Variants in ATP8A1 observed in about 807,000 individuals in gnomAD.
ATP8A1 encodes the protein ATPase phospholipid transporting 8A1, also known as phospholipid-transporting ATPase IA.
A neutral mutation model predicts 177.7 loss-of-function variants in ATP8A1; 90 were observed. The ratio of observed to expected loss-of-function variants is 0.51; its 90% CI spans 0.43 to 0.60. The LOEUF is 0.60. Ranked by LOEUF, ATP8A1 falls within the 20% of genes least tolerant of loss-of-function variation. The pLI is 0.00. For synonymous variants in ATP8A1, 493 were observed against 485.9 expected (o/e 1.01, Z -0.19); for missense variants, 1,072 against 1,392.8 (o/e 0.77, Z 3.67).
In ATP8A1 at chr4:42,656,835, C is replaced by A. The variant is rs542135277; in HGVS notation, c.39G>T (p.Ser13=). The A allele has an allele frequency of 8.2e-6, 13 of 1,582,114 alleles. No individual in the cohort carries two copies. In the Admixed American group the frequency reaches 2.3e-4, roughly 28 times the overall value. Residue 13 remains serine (S), a synonymous_variant, in exon 1 of 37, where the codon TCG becomes TCT. Transcript: ENST00000381668. ...TMRRTVSEIR[S]RAEGYEKTDD... ...TCGGCGGCCCCTTACCTTCGGCGCG[C>A]GAGCGGATCTCCGACACGGTCCTCC...
At chr4:42,636,404 G>C (rs1007480792) in intron 1 of ATP8A1, among the ~76,000 whole-genome samples, 33 of 95,818 alleles carry the variant, frequency 3.4e-4, no homozygotes, top group African/African-American at 9.1e-4. Flanking sequence ...AGACGGGTAG[G>C]GGGAGAGAGA....
At chr4:42,573,809 C>T (rs575884472) in intron 14 of ATP8A1, among the ~76,000 whole-genome samples, 4 of 152,124 alleles carry the variant, frequency 2.6e-5, no homozygotes, top group Admixed American at 1.3e-4. Context: ...AGCCAGAAAA[C>T]CTAGAAGCAA....
At chr4:42,584,099 T>C (rs2109351007) in intron 9 of ATP8A1, among the ~76,000 whole-genome samples, 1 of 152,320 alleles carries the variant, frequency 6.6e-6, no homozygotes, top group South Asian at 2.1e-4. Context: ...AAATGTCCTT[T>C]AGAATTCAAA....
chr4:42,574,183 G>C (rs1732181708), intron 14 of ATP8A1, among the ~76,000 whole-genome samples: 1 of 151,912 alleles, frequency 6.6e-6, no homozygotes, highest in Non-Finnish European at 1.5e-5. Context: ...ATTTTAGATT[G>C]CTCTATGACT....
intron 23 of ATP8A1, among the ~76,000 whole-genome samples, chr4:42,504,463 C>A (rs570025350): frequency 1.3e-5 from 2 of 152,316 alleles, no homozygotes; most frequent in South Asian, 4.1e-4. Flanking sequence ...TCGAAGTTAC[C>A]TGATCTATTT....
At chr4:42,453,387 G>A (rs577426406) in intron 29 of ATP8A1, among the ~76,000 whole-genome samples, 1 of 152,228 alleles carries the variant, frequency 6.6e-6, no homozygotes, top group East Asian at 1.9e-4. Flanking sequence ...CATAAACCCT[G>A]TAAAACAGGG....
At chr4:42,474,866 A>G (rs1174819802) in intron 25 of ATP8A1, among the ~76,000 whole-genome samples, 1 of 152,144 alleles carries the variant, frequency 6.6e-6, no homozygotes, top group Non-Finnish European at 1.5e-5. Context: ...TCAAACCAGC[A>G]TAGGAAAATC....
intron 35 of ATP8A1, among the ~76,000 whole-genome samples, chr4:42,418,635 T>G (rs967343828): frequency 6.6e-6 from 1 of 152,218 alleles, no homozygotes; most frequent in East Asian, 1.9e-4. Flanking sequence ...TGGGTTATTT[T>G]AAACCTTCAG....
intron 1 of ATP8A1, among the ~76,000 whole-genome samples, chr4:42,632,746 G>C (rs1463537792): frequency 6.6e-6 from 1 of 152,260 alleles, no homozygotes; most frequent in South Asian, 2.1e-4. Flanking sequence ...CATCTTCCCC[G>C]AACAGTGTTT....
At chr4:42,534,653 T>A (rs939493669) in intron 20 of ATP8A1, among the ~76,000 whole-genome samples, 2 of 151,854 alleles carry the variant, frequency 1.3e-5, no homozygotes, top group Admixed American at 1.3e-4. Flanking sequence ...TACAAGAAAC[T>A]CAAAGAACAC....
intron 13 of ATP8A1, 111 bp from the exon 14 acceptor site, chr4:42,574,818 C>T (rs182346455): frequency 1.2e-5 from 8 of 672,198 alleles, no homozygotes; most frequent in African/African-American, 5.6e-5. Context: ...ATGAATATTA[C>T]TAAGGAACTA....
At chr4:42,589,147 T>C (rs1733913662) in intron 7 of ATP8A1, among the ~76,000 whole-genome samples, 1 of 152,184 alleles carries the variant, frequency 6.6e-6, no homozygotes, top group African/African-American at 2.4e-5. Context: ...CTGTCTTATC[T>C]TTCCCTTTCA....
At position 42,446,080 on chromosome 4, in the gene ATP8A1, C is replaced by CAAAAAAAAAAAAAAAAAAAAAAAAAAAA. The variant is rs11311245; in HGVS notation, c.2958+502_2958+503insTTTTTTTTTTTTTTTTTTTTTTTTTTTT. ...GGGCGACAAGAGTGAAACGCCCTCT[C>CAAAAAAAAAAAAAAAAAAAAAAAAAAAA]AAAAAAAAAAAAAAAAAAAGAGAAG... On this transcript the variant is annotated intron_variant, in intron 31 of 36. Transcript: ENST00000381668. Among the ~76,000 whole-genome samples, 12 of 63,912 alleles carry CAAAAAAAAAAAAAAAAAAAAAAAAAAAA rather than the reference C, an allele frequency of 1.9e-4. 2 individuals carry two copies. The highest frequency in any genetic ancestry group is 2.6e-4 in the Non-Finnish European group (8 of 30,526). 41.9% of individuals were successfully genotyped at this position (63,912 alleles called of 152,430 possible). A position where few individuals can be genotyped will look rare whatever the true frequency, so the allele number is the denominator to read the frequency against.
At chr4:42,656,082 G>A (rs1741580142) in intron 1 of ATP8A1, among the ~76,000 whole-genome samples, 1 of 152,344 alleles carries the variant, frequency 6.6e-6, no homozygotes, top group East Asian at 1.9e-4. Flanking sequence ...AGACGATGAA[G>A]AGTCTGGGCC....
rs113556040 is a variant in ATP8A1, at chr4:42,517,174, G to A, written c.1947+4986C>T. 2.3e-3 allele frequency among the ~76,000 whole-genome samples: 351 copies of A among 151,542 alleles called. 3 individuals are homozygous for A. The highest frequency in any genetic ancestry group is 8.0e-3 in the African/African-American group (332 of 41,316). ...AATTTGGCTGGGTGTGGTGGCGGGC[G>A]CCTGTAGTCCCAGCTATTCAGGAGG... On this transcript the variant is annotated intron_variant, in intron 22 of 36. Transcript: ENST00000381668.
At chr4:42,422,704 G>T in intron 35 of ATP8A1, 103 bp downstream of exon 35, 1 of 881,464 alleles carries the variant, frequency 1.1e-6, no homozygotes, top group Non-Finnish European at 1.8e-6. Flanking sequence ...GACACTGCCA[G>T]CTTGATGCTG....
chr4:42,560,839 A>AT (rs1730744987), intron 15 of ATP8A1, among the ~76,000 whole-genome samples: 1 of 152,112 alleles, frequency 6.6e-6, no homozygotes. Flanking sequence ...TGCAAAAGTA[A>AT]TTTGAGATTT....
intron 25 of ATP8A1, among the ~76,000 whole-genome samples, chr4:42,484,030 G>A (rs1284615868): frequency 1.3e-5 from 2 of 152,140 alleles, no homozygotes; most frequent in African/African-American, 4.8e-5. Flanking sequence ...TTGTGCTTTT[G>A]AGCAATCTTT....
At chr4:42,528,430 AC>A (rs918985038) in intron 20 of ATP8A1, among the ~76,000 whole-genome samples, 1 of 151,718 alleles carries the variant, frequency 6.6e-6, no homozygotes, top group Non-Finnish European at 1.5e-5. Flanking sequence ...TCCCCATTCA[AC>A]TCTCCCATCT....
Sources: allele counts gnomAD v4.1 joint callset (sites outside exome capture counted in the v4.1 genomes callset), GRCh38; gene constraint gnomAD v4.1.1; transcripts MANE v1.5; gene names NCBI Gene and HGNC (gene_info 2026-07-23, HGNC 2026-07-21).